SPATA6: variants seen among roughly 807,000 people sequenced by gnomAD.
SPATA6 encodes spermatogenesis associated 6.
A neutral mutation model predicts 65.3 loss-of-function variants in SPATA6; 56 were observed. That is an observed-to-expected ratio of 0.86 (90% confidence interval 0.69 to 1.07). The LOEUF (loss-of-function observed/expected upper bound fraction) is 1.07, where lower values mean the gene tolerates loss of function less well. Among genes scored for constraint, SPATA6 ranks in the 50% least tolerant of loss-of-function variants. The probability of loss-of-function intolerance (pLI) is 0.00; values close to 1 mark genes in which losing one functional copy is unlikely to be tolerated. For synonymous variants in SPATA6, 199 were observed against 213.2 expected, an observed-to-expected ratio of 0.93 and a Z score of 0.58; for missense variants, 590 against 594.8, an observed-to-expected ratio of 0.99 and a Z score of 0.08.
chr1:48,271,145 G>A, the SPATA6 span, among the ~76,000 whole-genome samples: 3 of 152,104 alleles, frequency 2.0e-5, no homozygotes, highest in East Asian at 3.9e-4. Flanking sequence ...GAAATATAAG[G>A]TGCTCAAAAC....
intron 7 of SPATA6, among the ~76,000 whole-genome samples, chr1:48,396,758 T>C (rs888836605): frequency 6.6e-6 from 1 of 151,154 alleles, no homozygotes; most frequent in African/African-American, 2.4e-5. Flanking sequence ...TTGTCAGGGG[T>C]TGGGGGAGAC....
chr1:48,391,441 T>C (rs1650061160), intron 8 of SPATA6, among the ~76,000 whole-genome samples: 1 of 152,086 alleles, frequency 6.6e-6, no homozygotes, highest in African/African-American at 2.4e-5. Flanking sequence ...AAATAGTATG[T>C]ATTTCCTGGA....
chr1:48,355,730 C>T lies in SPATA6; in HGVS notation c.1134G>A (p.Glu378=). ...SDWCSPSNCD[E]IHDRVKNVLK... is the part of the protein sequence containing the mutation. ...AGACATTTTTTACCCGGTCATGGAT[C>T]TCATCGCAGTTTGAAGGTGAACACC... Residue 378 remains glutamate, a synonymous_variant, in exon 11 of 13, where the codon GAG becomes GAA. Coordinates refer to ENST00000371847, the MANE Select transcript of SPATA6 (RefSeq NM_019073.4). The T allele has an allele frequency of 6.2e-7, 1 of 1,613,224 alleles. No individual in the cohort carries two copies. The highest frequency in any genetic ancestry group is 8.5e-7 in the Non-Finnish European group (1 of 1,179,472).
At chr1:48,448,085 C>A (rs1005937995) in intron 3 of SPATA6, 7 of 151,810 alleles carry the variant, frequency 4.6e-5, no homozygotes, top group Admixed American at 1.3e-4. Flanking sequence ...AATGGTAAAA[C>A]CCCATCTCTA....
At chr1:48,428,408 A>C (rs1253349676) in intron 3 of SPATA6, among the ~76,000 whole-genome samples, 2 of 152,198 alleles carry the variant, frequency 1.3e-5, no homozygotes, top group Admixed American at 1.3e-4. Flanking sequence ...AGCTGAGATC[A>C]TGCCATTGCA....
intron 5 of SPATA6, among the ~76,000 whole-genome samples, chr1:48,407,033 A>G (rs1570472574): frequency 6.6e-6 from 1 of 152,298 alleles, no homozygotes; most frequent in South Asian, 2.1e-4. Flanking sequence ...GTATTTAAAT[A>G]TAATGATAGA....
intron 11 of SPATA6, among the ~76,000 whole-genome samples, chr1:48,316,832 A>T (rs896140531): frequency 4.6e-5 from 7 of 152,240 alleles, no homozygotes; most frequent in Admixed American, 6.5e-5. Context: ...AAACAAATTT[A>T]CAAGAAAAAA....
At chr1:48,370,692 T>C (rs912638972) in intron 9 of SPATA6, among the ~76,000 whole-genome samples, 3 of 152,208 alleles carry the variant, frequency 2.0e-5, no homozygotes, top group African/African-American at 7.2e-5. Flanking sequence ...ACAACAACCT[T>C]ATAAGGTAGA....
intron 9 of SPATA6, among the ~76,000 whole-genome samples, chr1:48,367,411 T>A (rs1647059147): frequency 3.3e-5 from 5 of 152,156 alleles, no homozygotes; most frequent in African/African-American, 1.2e-4. Flanking sequence ...AAGTCTCCCA[T>A]TATTATTGTG....
chr1:48,461,817 C>A (rs1363194087), intron 1 of SPATA6, among the ~76,000 whole-genome samples: 1 of 152,124 alleles, frequency 6.6e-6, no homozygotes, highest in Non-Finnish European at 1.5e-5. Flanking sequence ...CTAGAAATAC[C>A]ATTTGACCCA....
At chr1:48,401,686 A>C (rs1651178424) in intron 6 of SPATA6, among the ~76,000 whole-genome samples, 1 of 152,094 alleles carries the variant, frequency 6.6e-6, no homozygotes, top group Non-Finnish European at 1.5e-5. Context: ...GAAATTTAAG[A>C]TCCTTCCCTG....
intron 11 of SPATA6, among the ~76,000 whole-genome samples, chr1:48,306,687 A>G (rs566059549): frequency 6.6e-6 from 1 of 152,102 alleles, no homozygotes; most frequent in South Asian, 2.1e-4. Context: ...TAAGGGGTTC[A>G]TTCACTTTAT....
At chr1:48,390,238 A>G (rs1464454038) in intron 8 of SPATA6, among the ~76,000 whole-genome samples, 1 of 152,224 alleles carries the variant, frequency 6.6e-6, no homozygotes, top group African/African-American at 2.4e-5. Flanking sequence ...TAATTAGGGC[A>G]TAAAATTAAT....
chr1:48,455,470 C>T (rs1370267658), intron 1 of SPATA6, among the ~76,000 whole-genome samples: 4 of 151,800 alleles, frequency 2.6e-5, no homozygotes, highest in Non-Finnish European at 4.4e-5. Flanking sequence ...GCAAGCTCCG[C>T]CTCCCAGGTT....
chr1:48,462,901 C>G (rs1157190170), intron 1 of SPATA6, among the ~76,000 whole-genome samples: 1 of 152,104 alleles, frequency 6.6e-6, no homozygotes, highest in African/African-American at 2.4e-5. Flanking sequence ...GTAACAAAGA[C>G]CACCCTCACC....
chr1:48,307,667 G>A (rs117404145), intron 11 of SPATA6, among the ~76,000 whole-genome samples: 2 of 151,556 alleles, frequency 1.3e-5, no homozygotes, highest in East Asian at 3.9e-4. Flanking sequence ...TCTTCTGTCT[G>A]TCCTATCCAC....
chr1:48,436,988 C>A, intron 3 of SPATA6: 2 of 1,610,492 alleles, frequency 1.2e-6, no homozygotes, highest in Non-Finnish European at 1.7e-6. Context: ...TTCTCTCCTG[C>A]CTTCTTTAGC....
At chr1:48,270,625 A>G in the SPATA6 span, among the ~76,000 whole-genome samples, 8 of 152,216 alleles carry the variant, frequency 5.3e-5, no homozygotes, top group Non-Finnish European at 8.8e-5. Flanking sequence ...AATAAAAAAA[A>G]GATGTAAATT....
intron 11 of SPATA6, among the ~76,000 whole-genome samples, chr1:48,309,544 CTT>C (rs1364745830): frequency 1.3e-5 from 2 of 152,084 alleles, no homozygotes; most frequent in Non-Finnish European, 2.9e-5. Context: ...AATTCTAACA[CTT>C]TATTTCTTTA....
Sources: allele counts gnomAD v4.1 joint callset (sites outside exome capture counted in the v4.1 genomes callset), GRCh38; gene constraint gnomAD v4.1.1; transcripts MANE v1.5; gene names NCBI Gene and HGNC (gene_info 2026-07-23, HGNC 2026-07-21).